Variants in NUMB observed in about 807,000 individuals in gnomAD.
NUMB encodes protein numb homolog.
A neutral mutation model predicts 59.7 loss-of-function variants in NUMB; 29 were observed. The observed-to-expected ratio is 0.49, with a 90% CI of 0.36 to 0.66. The LOEUF (loss-of-function observed/expected upper bound fraction) is 0.66. Among genes scored for constraint, NUMB ranks in the 30% least tolerant of loss-of-function variants. The pLI, the probability that NUMB is intolerant of heterozygous loss-of-function variation, is 0.00. For synonymous variants in NUMB, 288 were observed against 288.2 expected (o/e 1.00, Z 0.01); for missense variants, 723 against 822.0 (o/e 0.88, Z 1.47).
chr14:73,372,305 T>TTATATATATATA (rs3028704), intron 2 of NUMB, among the ~76,000 whole-genome samples: 997 of 85,860 alleles, frequency 0.012, 15 homozygotes, highest in East Asian at 0.027. Flanking sequence ...TATATTTCTT[T>TTATATATATATA]TATATATATA....
At chr14:73,416,923 A>T (rs1218390643) in intron 1 of NUMB, among the ~76,000 whole-genome samples, 2 of 151,374 alleles carry the variant, frequency 1.3e-5, no homozygotes, top group Non-Finnish European at 1.5e-5. Flanking sequence ...CTTATCCTGT[A>T]CCCATTGAAA....
At chr14:73,447,984 G>C (rs1204223144) in intron 1 of NUMB, among the ~76,000 whole-genome samples, 2 of 151,994 alleles carry the variant, frequency 1.3e-5, no homozygotes, top group Non-Finnish European at 2.9e-5. Flanking sequence ...TTTTAGTAAA[G>C]ACTGGGTTTT....
intron 3 of NUMB, among the ~76,000 whole-genome samples, chr14:73,359,901 T>C (rs1653151574): frequency 6.6e-6 from 1 of 152,146 alleles, no homozygotes; most frequent in South Asian, 2.1e-4. Flanking sequence ...ATCCAAGCCA[T>C]CAACAAAAGA....
chr14:73,307,718 G>A (rs960015501), intron 6 of NUMB, among the ~76,000 whole-genome samples: 5 of 149,822 alleles, frequency 3.3e-5, no homozygotes, highest in Non-Finnish European at 5.9e-5. Flanking sequence ...CAACATAATC[G>A]GGCCTCTGTC....
At chr14:73,317,355 G>GC (rs1293971972) in intron 5 of NUMB, among the ~76,000 whole-genome samples, 1 of 152,218 alleles carries the variant, frequency 6.6e-6, no homozygotes, top group Non-Finnish European at 1.5e-5. Flanking sequence ...AGGATGGAGT[G>GC]CAGTGGCACG....
At chr14:73,365,150 G>A (rs887211604) in intron 3 of NUMB, among the ~76,000 whole-genome samples, 4 of 151,950 alleles carry the variant, frequency 2.6e-5, no homozygotes, top group African/African-American at 4.8e-5. Flanking sequence ...AGCAATTCTC[G>A]TGCCTCAGCC....
intron 2 of NUMB, among the ~76,000 whole-genome samples, chr14:73,369,118 T>C (rs1894534125): frequency 6.6e-6 from 1 of 151,812 alleles, no homozygotes; most frequent in Admixed American, 6.6e-5. Flanking sequence ...CTCAGCTCAC[T>C]GCAACCTTTG....
chr14:73,448,607 G>A (rs766317597), intron 1 of NUMB, among the ~76,000 whole-genome samples: 8 of 152,086 alleles, frequency 5.3e-5, no homozygotes, highest in African/African-American at 1.2e-4. Context: ...GAATTGCGAA[G>A]ATAAATATAT....
At chr14:73,395,805 T>G (rs1490725555) in intron 2 of NUMB, among the ~76,000 whole-genome samples, 1 of 152,218 alleles carries the variant, frequency 6.6e-6, no homozygotes, top group Non-Finnish European at 1.5e-5. Context: ...GTTTTTCCTG[T>G]GTCTCAACTG....
At chr14:73,424,221 T>A (rs1897484882) in intron 1 of NUMB, among the ~76,000 whole-genome samples, 1 of 152,034 alleles carries the variant, frequency 6.6e-6, no homozygotes, top group East Asian at 1.9e-4. Context: ...GAAGAAACAT[T>A]TAAAAAGAAA....
chr14:73,290,331 T>C (rs1304062016), intron 8 of NUMB, among the ~76,000 whole-genome samples: 1 of 152,228 alleles, frequency 6.6e-6, no homozygotes, highest in Non-Finnish European at 1.5e-5. Flanking sequence ...TTTGGAGTAA[T>C]GTGGCCCAGA....
Position 73,375,286 on chromosome 14 carries a change from T to C in NUMB, c.-100-8305A>G, listed in dbSNP as rs181211227. On this transcript the variant is annotated intron_variant, in intron 2 of 12. Coordinates refer to ENST00000555238, the MANE Select transcript of NUMB (RefSeq NM_001005743.2). Reference sequence around the variant, plus strand: ...GATAACATTTCATCGTCCCTTACTATGTGCCAGCTATTAAGAGACTTATGT... The same window carrying C: ...GATAACATTTCATCGTCCCTTACTACGTGCCAGCTATTAAGAGACTTATGT... Among the ~76,000 whole-genome samples the C allele has an allele frequency of 9.8e-5, 15 of 152,340 alleles. No homozygotes were observed. In the East Asian group the frequency reaches 2.7e-3, roughly 27 times the overall value.
chr14:73,307,266 G>A (rs1037817184), intron 6 of NUMB, among the ~76,000 whole-genome samples: 5 of 151,318 alleles, frequency 3.3e-5, no homozygotes, highest in East Asian at 1.9e-4. Context: ...CCGAGATTGC[G>A]CCACTGCACT....
Position 73,353,072 on chromosome 14 carries a change from G to GTTTTTCTTTTTTCTTTT in NUMB, c.126+2553_126+2554insAAAAGAAAAAAGAAAAA, listed in dbSNP as rs71450219. Among the ~76,000 whole-genome samples, 2 of 58,514 alleles carry GTTTTTCTTTTTTCTTTT rather than the reference G, an allele frequency of 3.4e-5. 1 individual carries two copies. Among genetic ancestry groups the GTTTTTCTTTTTTCTTTT allele is most frequent in the African/African-American group, 1.1e-4 (2 of 17,556 alleles). 38.4% of individuals were successfully genotyped at this position (58,514 alleles called of 152,430 possible). A position where few individuals can be genotyped will look rare whatever the true frequency, so the allele number is the denominator to read the frequency against. On this transcript the variant is annotated intron_variant, in intron 4 of 12. Coordinates refer to ENST00000555238, the MANE Select transcript of NUMB (RefSeq NM_001005743.2). Reference sequence around the variant, plus strand: ...CTTAATGGATGCCACAGTTTTTCTTGTTTTTTTTTTTTTTTTTTTTTTTTT... The same window carrying GTTTTTCTTTTTTCTTTT: ...CTTAATGGATGCCACAGTTTTTCTTGTTTTTCTTTTTTCTTTTTTTTTTTTTTTTTTTTTTTTTTTTT...
intron 10 of NUMB, 96 bp from the exon 11 acceptor site, chr14:73,282,601 T>G: frequency 2.3e-6 from 3 of 1,296,548 alleles, no homozygotes; most frequent in Non-Finnish European, 3.1e-6. Context: ...CTGTATCTCC[T>G]GCTTATGTAA....
chr14:73,299,972 AGTTT>A (rs1478442044), intron 6 of NUMB, among the ~76,000 whole-genome samples: 1 of 152,192 alleles, frequency 6.6e-6, no homozygotes, highest in African/African-American at 2.4e-5. Context: ...AAATATTTGT[AGTTT>A]GTTAAAAGGA....
chr14:73,282,084 G>A (rs1888667647), intron 11 of NUMB, among the ~76,000 whole-genome samples: 2 of 152,192 alleles, frequency 1.3e-5, no homozygotes, highest in South Asian at 2.1e-4. Flanking sequence ...AGTCAAGTGG[G>A]AAATAAGGCA....
chr14:73,345,327 C>A (rs938013675), intron 4 of NUMB, among the ~76,000 whole-genome samples: 1 of 152,086 alleles, frequency 6.6e-6, no homozygotes, highest in African/African-American at 2.4e-5. Flanking sequence ...TGGGGAACAA[C>A]AGACTCCGGA....
intron 4 of NUMB, among the ~76,000 whole-genome samples, chr14:73,337,333 C>G (rs1476616): frequency 0.01 from 1,592 of 152,114 alleles, 28 homozygotes; most frequent in African/African-American, 0.037. Flanking sequence ...AAAACCCAAT[C>G]TCTACTAAAA....
Sources: allele counts gnomAD v4.1 joint callset (sites outside exome capture counted in the v4.1 genomes callset), GRCh38; gene constraint gnomAD v4.1.1; transcripts MANE v1.5; gene names NCBI Gene and HGNC (gene_info 2026-07-23, HGNC 2026-07-21).